ZNF540: variants seen among roughly 807,000 people sequenced by gnomAD.
The protein encoded by ZNF540 is CTD-3064H18.6.
Under a neutral mutation model 11.8 loss-of-function variants are expected in ZNF540, and 3 were observed. That is an observed-to-expected ratio of 0.25 (90% CI 0.12 to 0.65). The LOEUF is 0.65. Among genes scored for constraint, ZNF540 ranks in the 30% least tolerant of loss-of-function variants. The pLI, the probability that ZNF540 is intolerant of heterozygous loss-of-function variation, is 0.83. For missense variants in ZNF540, 709 were observed against 793.1 expected, an observed-to-expected ratio of 0.89 and a Z score of 1.27; for synonymous variants, 247 against 259.0, an observed-to-expected ratio of 0.95 and a Z score of 0.45.
intron 4 of ZNF540, among the ~76,000 whole-genome samples, chr19:37,609,038 G>A (rs1389169946): frequency 6.6e-6 from 1 of 152,062 alleles, no homozygotes; most frequent in Non-Finnish European, 1.5e-5. Context: ...GACACTTCTA[G>A]TCTCCCAGCC....
intron 1 of ZNF540, among the ~76,000 whole-genome samples, chr19:37,571,225 C>T (rs957063347): frequency 2.0e-5 from 3 of 152,224 alleles, no homozygotes; most frequent in East Asian, 1.9e-4. Flanking sequence ...ATTCCAGGCA[C>T]GGTGGCTCAT....
chr19:37,576,573 CAT>C (rs1350899778), intron 1 of ZNF540, among the ~76,000 whole-genome samples: 1 of 152,140 alleles, frequency 6.6e-6, no homozygotes. Context: ...TGCTTGCAGT[CAT>C]ATGACTAACC....
At chr19:37,564,765 C>T in intron 1 of ZNF540, 2 of 1,613,800 alleles carry the variant, frequency 1.2e-6, no homozygotes, top group Non-Finnish European at 1.7e-6. Flanking sequence ...TAGGGTTTCT[C>T]TCCAGTATGA....
At chr19:37,553,767 C>G (rs2042632978) in intron 1 of ZNF540, among the ~76,000 whole-genome samples, 1 of 116 alleles carries the variant, frequency 8.6e-3, no homozygotes, top group Non-Finnish European at 0.019. Context: ...TCCATTCCAC[C>G]TTCTCACCTT....
Position 37,613,394 on chromosome 19 carries a change from TTAG to T in ZNF540, c.*133_*135del. 1.6e-6 allele frequency: 1 copy of T among 615,242 alleles called. No homozygotes were observed. Among genetic ancestry groups the T allele is most frequent in the East Asian group, 3.0e-5 (1 of 33,086 alleles). The allele number at this position is 615,242 out of a possible 1,614,324, so 38.1% of individuals were successfully genotyped here. ...TAAATGTATGAGTCTTAAATACCTC[TTAG>T]TTCTCATTAAATTTAGGAAAATTCA... On this transcript the variant is annotated 3_prime_UTR_variant, in exon 5 of 5. Transcript: ENST00000316433.
At chr19:37,572,821 C>G (rs1306791732) in intron 1 of ZNF540, among the ~76,000 whole-genome samples, 1 of 152,192 alleles carries the variant, frequency 6.6e-6, no homozygotes, top group Admixed American at 6.5e-5. Context: ...TTACCAATTA[C>G]TATAACTATT....
chr19:37,579,185 G>T (rs1219142598), intron 1 of ZNF540, among the ~76,000 whole-genome samples: 1 of 152,170 alleles, frequency 6.6e-6, no homozygotes, highest in Non-Finnish European at 1.5e-5. Flanking sequence ...AAACCAACCT[G>T]TCCCACCTCC....
chr19:37,564,639 A>T, intron 1 of ZNF540: 1 of 1,579,496 alleles, frequency 6.3e-7, no homozygotes. Flanking sequence ...TGTGAAGGAC[A>T]TCTAAAGTCT....
At chr19:37,572,492 G>C (rs993534970) in intron 1 of ZNF540, among the ~76,000 whole-genome samples, 1 of 152,102 alleles carries the variant, frequency 6.6e-6, no homozygotes, top group Non-Finnish European at 1.5e-5. Context: ...CTGCCTATTA[G>C]TCACCACCCA....
chr19:37,603,835 T>A (rs1393793812), intron 4 of ZNF540, among the ~76,000 whole-genome samples: 3 of 152,218 alleles, frequency 2.0e-5, no homozygotes, highest in Admixed American at 6.5e-5. Flanking sequence ...TATTAAGTTC[T>A]ATATAGTATG....
At chr19:37,599,814 A>C in intron 3 of ZNF540, 62 bp downstream of exon 3, 1 of 1,472,812 alleles carries the variant, frequency 6.8e-7, no homozygotes, top group Admixed American at 2.3e-5. Context: ...TTTCTCTTCC[A>C]CAAATTTAGG....
In ZNF540 at chr19:37,569,747, G is replaced by A. The variant is rs1413642339; in HGVS notation, c.-73+18082G>A. 1 of 152,200 alleles carries A rather than the reference G, an allele frequency of 6.6e-6. No individual in the cohort carries two copies. Among genetic ancestry groups the A allele is most frequent in the Non-Finnish European group, 1.5e-5 (1 of 68,118 alleles). The allele number at this position is 152,200 out of a possible 1,614,324, so 9.4% of individuals were successfully genotyped here. A position where few individuals can be genotyped will look rare whatever the true frequency, so the allele number is the denominator to read the frequency against. On this transcript the variant is annotated intron_variant, in intron 1 of 4. Coordinates refer to the ZNF540 transcript ENST00000592533. This position sits in a 1 kb window ranked among gnomAD's most constrained non-coding sequence, Gnocchi z 4.4. Reference sequence around the variant, plus strand: ...TCTCTCAATACCTCATACAAACCAAGCTCCATCCTCCTATGGCCTGCAGTA... The same window carrying A: ...TCTCTCAATACCTCATACAAACCAAACTCCATCCTCCTATGGCCTGCAGTA...
chr19:37,580,776 T>C lies in ZNF540; in HGVS notation c.-72-17600T>C, dbSNP rs569259526. 2.6e-5 allele frequency among the ~76,000 whole-genome samples: 4 copies of C among 152,306 alleles called. No individual in the cohort carries two copies. In the East Asian group the frequency reaches 7.7e-4, roughly 29 times the overall value. On this transcript the variant is annotated intron_variant, in intron 1 of 4. Transcript: ENST00000592533. ...GCTCCCCTTCACCTTCCATCATGAATGGAAGCAGCCTGAGGTCCTCACCAG... is the reference window on the plus strand; with the variant it reads ...GCTCCCCTTCACCTTCCATCATGAACGGAAGCAGCCTGAGGTCCTCACCAG...
rs551278178 is a variant in ZNF540, at chr19:37,574,108, T to C, written c.-73+22443T>C. Among the ~76,000 whole-genome samples, 4 of 152,312 alleles carry C rather than the reference T, an allele frequency of 2.6e-5. No homozygotes were observed. The East Asian group carries it at 7.7e-4, about 29-fold the overall frequency. ...GTACCCTGAATGATGAAAAATATTC[T>C]AGAAAACTAGGAGGCCTATTTAAAA... is the stretch of plus-strand genomic sequence containing the variant. On this transcript the variant is annotated intron_variant, in intron 1 of 4. Transcript: ENST00000592533.
intron 1 of ZNF540, chr19:37,565,160 T>G (rs774246731): frequency 5.6e-6 from 9 of 1,613,582 alleles, no homozygotes; most frequent in Non-Finnish European, 6.8e-6. Flanking sequence ...CTTTCCACAT[T>G]CCTTACATTT....
rs1394968775 is a variant in ZNF540 at position 37,572,812 on chromosome 19, T to C, written c.-73+21147T>C. Among the ~76,000 whole-genome samples, 3 of 152,328 alleles carry C rather than the reference T, an allele frequency of 2.0e-5. 1 individual carries two copies. In the East Asian group the frequency reaches 5.8e-4, roughly 29 times the overall value. ...ATAATTTTACTTACCAACTTATTTT[T>C]ACCAATTACTATAACTATTTACAAA... On this transcript the variant is annotated intron_variant, in intron 1 of 4. Transcript: ENST00000592533.
chr19:37,595,771 A>G (rs907821991), intron 1 of ZNF540, among the ~76,000 whole-genome samples: 3 of 152,206 alleles, frequency 2.0e-5, no homozygotes, highest in African/African-American at 7.2e-5. Context: ...ACATATGGCT[A>G]TTGAGAAATT....
At chr19:37,579,340 T>G (rs1219089882) in intron 1 of ZNF540, among the ~76,000 whole-genome samples, 2 of 152,132 alleles carry the variant, frequency 1.3e-5, no homozygotes, top group Admixed American at 1.3e-4. Context: ...TGCTGGCGCC[T>G]GACCATTTCC....
chr19:37,553,892 A>T (rs1236598424), intron 1 of ZNF540, among the ~76,000 whole-genome samples: 1 of 152,238 alleles, frequency 6.6e-6, no homozygotes, highest in Non-Finnish European at 1.5e-5. Context: ...AACAATATTT[A>T]CTCATATTTA....
Sources: gnomAD v4.1 joint callset for allele counts (sites outside exome capture counted in the v4.1 genomes callset) on GRCh38, gnomAD v4.1.1 for gene constraint, Gnocchi (gnomAD v3.1) non-coding constraint, MANE v1.5 for transcripts, NCBI Gene and HGNC (gene_info 2026-07-23, HGNC 2026-07-21) for gene names.